The following PPP1R13B variants were observed in gnomAD, a reference collection of about 807,000 sequenced individuals.
PPP1R13B encodes the protein apoptosis-stimulating of p53 protein 1.
In PPP1R13B, 44 loss-of-function variants were observed where a neutral mutation model predicts 119.8. The ratio of observed to expected loss-of-function variants is 0.37; its 90% CI spans 0.29 to 0.47. The LOEUF (loss-of-function observed/expected upper bound fraction) is 0.47. Ranked by LOEUF, PPP1R13B falls within the 20% of genes least tolerant of loss-of-function variation. PPP1R13B has a pLI of 0.99. For synonymous variants in PPP1R13B, 542 were observed against 561.5 expected, an observed-to-expected ratio of 0.97 and a Z score of 0.49; for missense variants, 1,227 against 1,413.5, an observed-to-expected ratio of 0.87 and a Z score of 2.12.
At chr14:103,757,568 G>A in intron 5 of PPP1R13B, 82 bp downstream of exon 5, 2 of 1,292,404 alleles carry the variant, frequency 1.5e-6, no homozygotes, top group Non-Finnish European at 2.2e-6. Context: ...CGTTACCCAA[G>A]AATATATTAA....
chr14:103,802,074 AAC>A (rs1253697190), intron 1 of PPP1R13B, among the ~76,000 whole-genome samples: 1 of 152,244 alleles, frequency 6.6e-6, no homozygotes, highest in Non-Finnish European at 1.5e-5. Context: ...CTAATACTTT[AAC>A]AGTTTCATCA....
chr14:103,823,281 G>A (rs964038012), intron 1 of PPP1R13B, among the ~76,000 whole-genome samples: 16 of 151,860 alleles, frequency 1.1e-4, no homozygotes, highest in Non-Finnish European at 2.1e-4. Flanking sequence ...GGAGGTTGCA[G>A]TGAGCTGAGA....
intron 16 of PPP1R13B, 78 bp downstream of exon 16, chr14:103,735,925 G>T: frequency 6.7e-7 from 1 of 1,491,542 alleles, no homozygotes; most frequent in Non-Finnish European, 9.2e-7. Flanking sequence ...TCCCTCCCCA[G>T]CCCCACAGCA....
intron 1 of PPP1R13B, among the ~76,000 whole-genome samples, chr14:103,825,995 C>T (rs1465215854): frequency 6.6e-6 from 1 of 152,014 alleles, no homozygotes; most frequent in Non-Finnish European, 1.5e-5. Context: ...CAGGTGCCCA[C>T]CACCAGGCCT....
intron 2 of PPP1R13B, among the ~76,000 whole-genome samples, chr14:103,787,175 G>A (rs569472735): frequency 4.2e-4 from 64 of 152,086 alleles, no homozygotes; most frequent in Non-Finnish European, 6.3e-4. Context: ...CAGGTTGGGC[G>A]TGGTAGTTCA....
chr14:103,766,886 T>C (rs2084951832), intron 4 of PPP1R13B, among the ~76,000 whole-genome samples: 1 of 152,216 alleles, frequency 6.6e-6, no homozygotes, highest in Non-Finnish European at 1.5e-5. Context: ...CAATTTCACA[T>C]AGTTCGAACT....
At chr14:103,758,567 T>C (rs146598631) in intron 4 of PPP1R13B, among the ~76,000 whole-genome samples, 9 of 152,342 alleles carry the variant, frequency 5.9e-5, no homozygotes, top group African/African-American at 1.9e-4. Context: ...GCTATGAGCA[T>C]TGTGCCATAT....
intron 1 of PPP1R13B, among the ~76,000 whole-genome samples, chr14:103,832,601 T>C (rs1176006677): frequency 2.0e-5 from 3 of 152,228 alleles, no homozygotes; most frequent in African/African-American, 4.8e-5. Flanking sequence ...GGGACTACTC[T>C]CTTCAACTCC....
At chr14:103,835,327 G>A (rs183827379) in intron 1 of PPP1R13B, among the ~76,000 whole-genome samples, 1 of 151,950 alleles carries the variant, frequency 6.6e-6, no homozygotes, top group East Asian at 1.9e-4. Context: ...GTTTTGCCAT[G>A]ATGGCCAAGC....
chr14:103,801,222 A>C (rs1365231272), intron 1 of PPP1R13B, among the ~76,000 whole-genome samples: 1 of 152,168 alleles, frequency 6.6e-6, no homozygotes, highest in Non-Finnish European at 1.5e-5. Context: ...CCCACTGCCC[A>C]ACACCAGCCC....
chr14:103,818,382 G>C (rs1815248336), intron 1 of PPP1R13B: 3 of 624,370 alleles, frequency 4.8e-6, no homozygotes, highest in African/African-American at 4.0e-5. Flanking sequence ...GGCTGCATAT[G>C]AGTTTTCATA....
At position 103,738,368 on chromosome 14, in the gene PPP1R13B, T is replaced by A. The variant is rs2084165655; in HGVS notation, c.2864+311A>T. The A allele has an allele frequency of 2.5e-6, 1 of 392,504 alleles. No homozygotes were observed. The highest frequency in any genetic ancestry group is 4.7e-6 in the Non-Finnish European group (1 of 212,160). The allele number at this position is 392,504 out of a possible 1,614,324, so 24.3% of individuals were successfully genotyped here. On this transcript the variant is annotated intron_variant, in intron 14 of 16. Transcript: ENST00000202556. This position sits in a 1 kb window ranked among gnomAD's most constrained non-coding sequence, Gnocchi z 5.6. ...GCTGCTTTTCACACGGAGCACAGAG[T>A]GTGAAGAGTCCATACGGAACATATG... is the stretch of plus-strand genomic sequence containing the variant.
intron 1 of PPP1R13B, among the ~76,000 whole-genome samples, chr14:103,828,742 A>C (rs980199214): frequency 5.9e-5 from 9 of 152,228 alleles, no homozygotes; most frequent in Non-Finnish European, 2.9e-5. Flanking sequence ...AAGACAGGAC[A>C]GACTGGAAAC....
At chr14:103,805,003 A>T (rs1188508438) in intron 1 of PPP1R13B, among the ~76,000 whole-genome samples, 2 of 151,966 alleles carry the variant, frequency 1.3e-5, no homozygotes, top group South Asian at 4.1e-4. Flanking sequence ...CGCCTGGCTA[A>T]TTTTTTTATT....
At chr14:103,782,865 G>A (rs193171149) in intron 3 of PPP1R13B, among the ~76,000 whole-genome samples, 78 of 151,548 alleles carry the variant, frequency 5.1e-4, no homozygotes, top group African/African-American at 1.6e-3. Context: ...GTGCAATGGC[G>A]CGATCTCGGG....
At chr14:103,743,712 G>C (rs925396052) in intron 9 of PPP1R13B, among the ~76,000 whole-genome samples, 12 of 152,230 alleles carry the variant, frequency 7.9e-5, no homozygotes, top group African/African-American at 2.4e-4. Context: ...GCCAGCACAG[G>C]CAGGAGGGGA....
At position 103,749,857 on chromosome 14, in the gene PPP1R13B, C is replaced by T. The variant is rs1471021975; in HGVS notation, c.906G>A (p.Glu302=). The change falls in exon 8 of 17, where the codon GAG becomes GAA. Residue 302 remains glutamate, a synonymous_variant. Coordinates refer to ENST00000202556, the MANE Select transcript of PPP1R13B (RefSeq NM_015316.3). The part of the protein sequence containing the change: ...QKELLNKRNM[E]VAMMDKRISE... ...TGATTCGCTTGTCCATCATGGCCAC[C>T]TCCATGTTGCGCTTATTTAAGAGTT... 3 of 1,614,144 alleles carry T rather than the reference C, an allele frequency of 1.9e-6. No individual in the cohort carries two copies. Among genetic ancestry groups the T allele is most frequent in the Non-Finnish European group, 2.5e-6 (3 of 1,180,020 alleles).
At chr14:103,822,471 G>C (rs1325421691) in intron 1 of PPP1R13B, among the ~76,000 whole-genome samples, 1 of 151,950 alleles carries the variant, frequency 6.6e-6, no homozygotes, top group South Asian at 2.1e-4. Flanking sequence ...CAAGTCTAAA[G>C]AGAAAACACC....
intron 14 of PPP1R13B, 37 bp from the exon 15 acceptor site, chr14:103,737,897 C>G (rs1171667929): frequency 6.3e-7 from 1 of 1,594,144 alleles, no homozygotes; most frequent in Non-Finnish European, 8.5e-7. Flanking sequence ...AGGCCTGGCA[C>G]TGCCTGTCCT....
Sources: allele counts gnomAD v4.1 joint callset (sites outside exome capture counted in the v4.1 genomes callset), GRCh38; gene constraint gnomAD v4.1.1; non-coding constraint Gnocchi (gnomAD v3.1); transcripts MANE v1.5; gene names NCBI Gene and HGNC (gene_info 2026-07-23, HGNC 2026-07-21).